The following CCDC192 variants were observed in gnomAD, a reference collection of about 807,000 sequenced individuals.
The protein encoded by CCDC192 is coiled-coil domain-containing protein 192.
At chr5:127,785,226 G>T in intron 3 of CCDC192, 1 of 520,578 alleles carries the variant, frequency 1.9e-6, no homozygotes, top group South Asian at 1.4e-5. Flanking sequence ...CACTGTGACA[G>T]CTGGCATAGA....
chr5:127,761,890 C>T (rs751799281), intron 3 of CCDC192, among the ~76,000 whole-genome samples: 1 of 152,182 alleles, frequency 6.6e-6, no homozygotes, highest in African/African-American at 2.4e-5. Flanking sequence ...AAGGCCCTAA[C>T]AAAACTCCCA....
chr5:127,819,974 C>T (rs183491304), intron 5 of CCDC192, among the ~76,000 whole-genome samples: 136 of 152,274 alleles, frequency 8.9e-4, no homozygotes, highest in East Asian at 2.3e-3. Flanking sequence ...AAAGCACACA[C>T]GCACACACAC....
At chr5:127,713,653 C>T (rs186716530) in intron 2 of CCDC192, among the ~76,000 whole-genome samples, 2 of 152,224 alleles carry the variant, frequency 1.3e-5, no homozygotes, top group African/African-American at 4.8e-5. Context: ...AATATTTCTC[C>T]TAATTTTTAT....
At chr5:127,740,608 T>A (rs933900188) in intron 2 of CCDC192, among the ~76,000 whole-genome samples, 1 of 152,158 alleles carries the variant, frequency 6.6e-6, no homozygotes, top group South Asian at 2.1e-4. Context: ...ATTTTTTAAA[T>A]TTTTTAAAAA....
intron 3 of CCDC192, among the ~76,000 whole-genome samples, chr5:127,756,825 A>G (rs1056550150): frequency 6.6e-6 from 1 of 152,236 alleles, no homozygotes. Context: ...CCCAGGAATG[A>G]ACAAGGACAG....
chr5:127,733,726 T>C (rs910514986), intron 2 of CCDC192, among the ~76,000 whole-genome samples: 4 of 152,086 alleles, frequency 2.6e-5, no homozygotes, highest in Admixed American at 2.0e-4. Context: ...ATCTGAGATA[T>C]TACTTCTAAG....
intron 3 of CCDC192, among the ~76,000 whole-genome samples, chr5:127,788,669 G>T (rs1756698784): frequency 1.3e-5 from 2 of 151,900 alleles, no homozygotes; most frequent in South Asian, 4.2e-4. Flanking sequence ...TGTATCTTTT[G>T]CAGTTATTTG....
chr5:127,807,187 A>T (rs988108249), intron 5 of CCDC192, among the ~76,000 whole-genome samples: 6 of 152,210 alleles, frequency 3.9e-5, no homozygotes, highest in African/African-American at 1.4e-4. Context: ...TTAACAGGTT[A>T]TTCTAAAATT....
intron 2 of CCDC192, among the ~76,000 whole-genome samples, chr5:127,753,656 C>T (rs1000068541): frequency 9.4e-5 from 14 of 148,834 alleles, no homozygotes; most frequent in African/African-American, 3.0e-4. Flanking sequence ...CCCTTGCACT[C>T]GGCCTGGGCA....
chr5:127,911,566 T>C (rs923892372), intron 6 of CCDC192, among the ~76,000 whole-genome samples: 2 of 152,142 alleles, frequency 1.3e-5, no homozygotes, highest in African/African-American at 4.8e-5. Flanking sequence ...TTGATAGATA[T>C]AGATATACAA....
intron 6 of CCDC192, among the ~76,000 whole-genome samples, chr5:127,894,254 G>A (rs543813319): frequency 0.015 from 2,166 of 140,382 alleles, 49 homozygotes; most frequent in African/African-American, 0.053. Context: ...GTGCAGTGGT[G>A]TGATCTTGGC....
chr5:127,772,014 C>T (rs985141627), intron 3 of CCDC192, among the ~76,000 whole-genome samples: 1 of 152,168 alleles, frequency 6.6e-6, no homozygotes, highest in South Asian at 2.1e-4. Context: ...GTGGCTTGGC[C>T]TCAGTGCGCA....
chr5:127,761,579 C>T (rs1458789007), intron 3 of CCDC192, among the ~76,000 whole-genome samples: 2 of 152,004 alleles, frequency 1.3e-5, no homozygotes, highest in African/African-American at 4.8e-5. Flanking sequence ...TGTGTTATTC[C>T]TGTTGTTTTT....
At chr5:127,726,873 T>C (rs973301745) in intron 2 of CCDC192, among the ~76,000 whole-genome samples, 5 of 152,154 alleles carry the variant, frequency 3.3e-5, no homozygotes, top group Non-Finnish European at 7.4e-5. Context: ...TCCCACACAG[T>C]GCACCCGCTC....
chr5:127,930,998 A>G (rs1754013186), intron 6 of CCDC192, among the ~76,000 whole-genome samples: 1 of 152,204 alleles, frequency 6.6e-6, no homozygotes, highest in Non-Finnish European at 1.5e-5. Flanking sequence ...TTTCTGTGAT[A>G]CTGTTCTTAT....
intron 5 of CCDC192, among the ~76,000 whole-genome samples, chr5:127,826,341 T>C (rs115481251): frequency 4.7e-4 from 72 of 152,268 alleles, no homozygotes; most frequent in Admixed American, 1.6e-3. Flanking sequence ...AGTGAAAATG[T>C]AAATTCATTC....
intron 5 of CCDC192, among the ~76,000 whole-genome samples, chr5:127,825,424 C>T (rs1199127696): frequency 2.0e-5 from 3 of 152,188 alleles, no homozygotes; most frequent in Non-Finnish European, 4.4e-5. Context: ...AAAGTTGATG[C>T]AAGACTGGAA....
rs199961757 is a variant in CCDC192, at chr5:127,747,820, C to T, written c.115-6448C>T. On this transcript the variant is annotated intron_variant, in intron 2 of 6. Coordinates refer to ENST00000514853, the MANE Select transcript of CCDC192 (RefSeq NM_001317938.2). Reference sequence around the variant, plus strand: ...CATTCTAACTGGTGTGAGATGGTATCTCATTGTGGTTTTGATTTGCATTTC... The same window carrying T: ...CATTCTAACTGGTGTGAGATGGTATTTCATTGTGGTTTTGATTTGCATTTC... Among the ~76,000 whole-genome samples, 133 of 145,706 alleles carry T rather than the reference C, an allele frequency of 9.1e-4. 1 individual carries two copies. The highest frequency in any genetic ancestry group is 6.0e-3 in the East Asian group (29 of 4,836).
At chr5:127,912,115 A>C (rs1252675246) in intron 6 of CCDC192, among the ~76,000 whole-genome samples, 2 of 148,134 alleles carry the variant, frequency 1.4e-5, no homozygotes, top group Non-Finnish European at 1.5e-5. Context: ...TATTTTTACT[A>C]GAGACAGGGT....
Sources: allele counts gnomAD v4.1 joint callset (sites outside exome capture counted in the v4.1 genomes callset), GRCh38; gene constraint gnomAD v4.1.1; transcripts MANE v1.5; gene names NCBI Gene and HGNC (gene_info 2026-07-23, HGNC 2026-07-21).